SUPT3H: variants seen among roughly 807,000 people sequenced by gnomAD.
The protein encoded by SUPT3H is transcription initiation protein SPT3 homolog.
A neutral mutation model predicts 44.3 loss-of-function variants in SUPT3H; 44 were observed. That is an observed-to-expected ratio of 0.99 (90% CI 0.78 to 1.28). SUPT3H has a LOEUF of 1.28. SUPT3H is among the 50% of genes most tolerant of loss of function. The pLI is 0.00. For missense variants in SUPT3H, 380 were observed against 387.1 expected, an observed-to-expected ratio of 0.98 and a Z score of 0.15; for synonymous variants, 124 against 125.6, an observed-to-expected ratio of 0.99 and a Z score of 0.09.
intron 2 of SUPT3H, among the ~76,000 whole-genome samples, chr6:45,280,403 G>C (rs1420181872): frequency 1.3e-5 from 2 of 151,958 alleles, no homozygotes; most frequent in East Asian, 3.9e-4. Context: ...CTACTCGGGG[G>C]GCTGACACAG....
At chr6:45,043,462 C>T (rs769518235) in intron 3 of SUPT3H, among the ~76,000 whole-genome samples, 32 of 152,160 alleles carry the variant, frequency 2.1e-4, no homozygotes, top group Non-Finnish European at 3.1e-4. Flanking sequence ...AGTTTTAACA[C>T]AGTCCTTTTC....
In SUPT3H at chr6:45,009,184, C is replaced by CA. The variant is rs1783126638; in HGVS notation, c.365-5393dup. ...TATATTCTATACAAAAGTACCCTAT[C>CA]AGATATATAAGAAAAATTTTCTTCC... On this transcript the variant is annotated intron_variant, in intron 5 of 10. Coordinates refer to ENST00000371459, the MANE Select transcript of SUPT3H (RefSeq NM_003599.4). Among the ~76,000 whole-genome samples the CA allele has an allele frequency of 3.3e-5, 5 of 152,088 alleles. No individual in the cohort carries two copies. In the South Asian group the frequency reaches 1.0e-3, roughly 31 times the overall value.
intron 2 of SUPT3H, among the ~76,000 whole-genome samples, chr6:45,313,250 C>G (rs577800214): frequency 1.3e-5 from 2 of 151,696 alleles, no homozygotes; most frequent in East Asian, 3.9e-4. Flanking sequence ...AAGAACAAAC[C>G]AAAACCAAAC....
intron 2 of SUPT3H, among the ~76,000 whole-genome samples, chr6:45,127,900 T>A (rs1802683746): frequency 6.6e-6 from 1 of 152,220 alleles, no homozygotes; most frequent in South Asian, 2.1e-4. Flanking sequence ...TAGGTTGTGT[T>A]TACTATCATA....
intron 2 of SUPT3H, among the ~76,000 whole-genome samples, chr6:45,262,164 G>T (rs774726874): frequency 5.3e-5 from 8 of 152,126 alleles, no homozygotes; most frequent in Non-Finnish European, 8.8e-5. Flanking sequence ...GCAATTTACA[G>T]ATTCAATGCT....
chr6:44,813,177 G>GA (rs755475419), intron 11 of SUPT3H, among the ~76,000 whole-genome samples: 4 of 152,042 alleles, frequency 2.6e-5, no homozygotes, highest in Non-Finnish European at 5.9e-5. Flanking sequence ...ATCCTCTCTA[G>GA]AAAAAATCAC....
intron 2 of SUPT3H, among the ~76,000 whole-genome samples, chr6:45,250,600 G>A (rs1253948391): frequency 6.6e-6 from 1 of 151,452 alleles, no homozygotes; most frequent in African/African-American, 2.4e-5. Context: ...GCTGAAAGAT[G>A]GAAAAACAGA....
chr6:44,890,561 A>C (rs1320484568), intron 10 of SUPT3H, among the ~76,000 whole-genome samples: 2 of 137,588 alleles, frequency 1.5e-5, no homozygotes, highest in African/African-American at 5.4e-5. Context: ...TTGAACAATG[A>C]GAACACATGG....
intron 2 of SUPT3H, among the ~76,000 whole-genome samples, chr6:45,342,265 T>A (rs1056160480): frequency 1.3e-5 from 2 of 152,018 alleles, no homozygotes; most frequent in Admixed American, 1.3e-4. Flanking sequence ...TATAACACAA[T>A]CTCAATTTTT....
chr6:45,220,593 A>G (rs1765870425), intron 2 of SUPT3H, among the ~76,000 whole-genome samples: 1 of 152,236 alleles, frequency 6.6e-6, no homozygotes, highest in Non-Finnish European at 1.5e-5. Flanking sequence ...CCATAAGAAA[A>G]AGAAATAAAA....
At chr6:45,119,086 C>T (rs1801241066) in intron 2 of SUPT3H, among the ~76,000 whole-genome samples, 1 of 152,100 alleles carries the variant, frequency 6.6e-6, no homozygotes, top group African/African-American at 2.4e-5. Flanking sequence ...GTGGGGTTGT[C>T]TAATCTACTG....
Position 44,832,548 on chromosome 6 carries a change from AT to A in SUPT3H, c.913-2692del, listed in dbSNP as rs1286727102. On this transcript the variant is annotated intron_variant, in intron 10 of 10. Coordinates refer to ENST00000371459, the MANE Select transcript of SUPT3H (RefSeq NM_003599.4). The stretch of plus-strand genomic sequence containing the variant: ...CTACTTAAGGTTCATTTCTGGTTTA[AT>A]AAAGCTCTGTTCTCAACATCAGTTG... 1.8e-4 allele frequency among the ~76,000 whole-genome samples: 27 copies of A among 152,186 alleles called. 1 individual carries two copies. Among genetic ancestry groups the A allele is most frequent in the Non-Finnish European group, 3.8e-4 (26 of 68,010 alleles).
At chr6:44,997,837 A>C (rs1562227421) in intron 6 of SUPT3H, among the ~76,000 whole-genome samples, 1 of 151,852 alleles carries the variant, frequency 6.6e-6, no homozygotes, top group African/African-American at 2.4e-5. Flanking sequence ...AAGATTTTCT[A>C]AAAAGTCTAG....
intron 2 of SUPT3H, among the ~76,000 whole-genome samples, chr6:45,161,331 T>A (rs1171085924): frequency 6.6e-6 from 1 of 152,164 alleles, no homozygotes; most frequent in Non-Finnish European, 1.5e-5. Context: ...TAAAGGTGAC[T>A]CCTGAGCCCC....
chr6:44,994,472 T>C (rs1049961360), intron 6 of SUPT3H, among the ~76,000 whole-genome samples: 16 of 152,094 alleles, frequency 1.1e-4, no homozygotes, highest in African/African-American at 2.4e-5. Flanking sequence ...GTGGCTATCT[T>C]TTCACACCCA....
At chr6:44,986,715 T>C (rs1055505421) in intron 6 of SUPT3H, among the ~76,000 whole-genome samples, 1 of 152,156 alleles carries the variant, frequency 6.6e-6, no homozygotes, top group Non-Finnish European at 1.5e-5. Flanking sequence ...TATTTGTTTA[T>C]ATAAAATATA....
intron 3 of SUPT3H, among the ~76,000 whole-genome samples, chr6:45,094,517 G>A (rs947996691): frequency 6.6e-6 from 1 of 152,062 alleles, no homozygotes; most frequent in African/African-American, 2.4e-5. Context: ...AAAAAAATAT[G>A]TTAAGAGTGG....
intron 10 of SUPT3H, among the ~76,000 whole-genome samples, chr6:44,876,375 C>T (rs879133184): frequency 3.6e-5 from 3 of 83,812 alleles, no homozygotes; most frequent in East Asian, 3.7e-4. Flanking sequence ...AAATTGGAAA[C>T]CATCATTCTC....
intron 2 of SUPT3H, among the ~76,000 whole-genome samples, chr6:45,150,385 T>G (rs1806734498): frequency 6.6e-6 from 1 of 152,154 alleles, no homozygotes; most frequent in Non-Finnish European, 1.5e-5. Flanking sequence ...TGACCATTGT[T>G]GGAAATTTCT....
Sources: allele counts gnomAD v4.1 joint callset (sites outside exome capture counted in the v4.1 genomes callset), GRCh38; gene constraint gnomAD v4.1.1; transcripts MANE v1.5; gene names NCBI Gene and HGNC (gene_info 2026-07-23, HGNC 2026-07-21).